The following DYNLRB1 variants were observed in gnomAD, a reference collection of about 807,000 sequenced individuals.
The protein encoded by DYNLRB1 is dynein light chain roadblock-type 1, also known as ROBL/LC7-like 1.
Under a neutral mutation model 13.5 loss-of-function variants are expected in DYNLRB1, and 6 were observed. That is an observed-to-expected ratio of 0.44 (90% confidence interval 0.24 to 0.88). The LOEUF (loss-of-function observed/expected upper bound fraction) is 0.88, where lower values mean the gene tolerates loss of function less well. Ranked by LOEUF, DYNLRB1 falls within the 40% of genes least tolerant of loss-of-function variation. The pLI, the probability that DYNLRB1 is intolerant of heterozygous loss-of-function variation, is 0.21. For synonymous variants in DYNLRB1, 43 were observed against 45.0 expected (o/e 0.96, Z 0.18); for missense variants, 93 against 127.2 (o/e 0.73, Z 1.29).
chr20:34,535,386 C>A, intron 3 of DYNLRB1: 1 of 982,198 alleles, frequency 1.0e-6, no homozygotes, highest in Non-Finnish European at 1.2e-6. Flanking sequence ...TTCCTTTACG[C>A]GAGGTGCTTG....
intron 3 of DYNLRB1, chr20:34,535,289 T>C: frequency 1.0e-6 from 1 of 985,474 alleles, no homozygotes; most frequent in Non-Finnish European, 1.2e-6. Flanking sequence ...CTTGAAAACA[T>C]GTTCTCTGCC....
chr20:34,536,302 G>T lies in DYNLRB1; in HGVS notation c.247+1507G>T, dbSNP rs562753470. The T allele has an allele frequency of 4.1e-6, 4 of 985,402 alleles. No homozygotes were observed. In the South Asian group the frequency reaches 1.9e-4, roughly 46 times the overall value. The allele number at this position is 985,402 out of a possible 1,614,324, so 61.0% of individuals were successfully genotyped here. ...CCACATCTGTAAAGTGTCGAGTAGG[G>T]GACTGTGCTGTGCTGATGTCCTGAG... On this transcript the variant is annotated intron_variant, in intron 3 of 3. Coordinates refer to ENST00000357156, the MANE Select transcript of DYNLRB1 (RefSeq NM_014183.4).
intron 2 of DYNLRB1, among the ~76,000 whole-genome samples, chr20:34,528,884 G>A (rs573454835): frequency 6.6e-6 from 1 of 152,192 alleles, no homozygotes; most frequent in Non-Finnish European, 1.5e-5. Flanking sequence ...TAAGACAGGA[G>A]GATTCCTTGA....
rs540725799 is a variant in DYNLRB1 at position 34,518,828 on chromosome 20, C to T, written c.3+2367C>T. ...TTACTTAAACTGTAGCTTTCTAGAACCTGTATTATGCTACTCCGTGGTTAT... is the reference window on the plus strand; with the variant it reads ...TTACTTAAACTGTAGCTTTCTAGAATCTGTATTATGCTACTCCGTGGTTAT... On this transcript the variant is annotated intron_variant, in intron 1 of 3. Transcript: ENST00000357156. Among the ~76,000 whole-genome samples, 5 of 152,208 alleles carry T rather than the reference C, an allele frequency of 3.3e-5. No homozygotes were observed. The South Asian group carries it at 1.0e-3, about 32-fold the overall frequency.
intron 1 of DYNLRB1, among the ~76,000 whole-genome samples, chr20:34,521,370 G>T (rs905893151): frequency 6.6e-6 from 1 of 151,960 alleles, no homozygotes; most frequent in African/African-American, 2.4e-5. Flanking sequence ...GTAATTTCTC[G>T]TAGGCATATT....
intron 1 of DYNLRB1, 23 bp downstream of exon 1, chr20:34,516,484 T>C (rs752843633): frequency 1.2e-6 from 2 of 1,612,458 alleles, no homozygotes; most frequent in South Asian, 1.1e-5. Context: ...CGGGGTCTTG[T>C]GGCTGGCGGC....
At chr20:34,536,465 G>A (rs942019730) in intron 3 of DYNLRB1, 1 of 985,318 alleles carries the variant, frequency 1.0e-6, no homozygotes, top group Non-Finnish European at 1.2e-6. Flanking sequence ...GTCGGGCCGG[G>A]ATGGAGCGCA....
chr20:34,517,292 A>G (rs1038126250), intron 1 of DYNLRB1, among the ~76,000 whole-genome samples: 19 of 152,200 alleles, frequency 1.2e-4, no homozygotes, highest in African/African-American at 4.6e-4. Flanking sequence ...CCTAGAGGCA[A>G]CCACTTACAG....
intron 1 of DYNLRB1, 131 bp from the exon 2 acceptor site, chr20:34,526,137 G>C: frequency 1.1e-6 from 1 of 946,798 alleles, no homozygotes; most frequent in East Asian, 2.6e-5. Context: ...GGGGAACTTT[G>C]AGGGTGTGCC....
intron 1 of DYNLRB1, among the ~76,000 whole-genome samples, chr20:34,524,716 T>C (rs1373980181): frequency 6.6e-6 from 1 of 151,998 alleles, no homozygotes; most frequent in Non-Finnish European, 1.5e-5. Context: ...TAAGTCCATT[T>C]TCCACTTTTT....
At chr20:34,520,213 G>A (rs1277806866) in intron 1 of DYNLRB1, among the ~76,000 whole-genome samples, 4 of 152,098 alleles carry the variant, frequency 2.6e-5, no homozygotes. Context: ...TTTCATCTTT[G>A]TATGTTCTCC....
chr20:34,527,990 AG>A (rs1164229280), intron 2 of DYNLRB1, among the ~76,000 whole-genome samples: 1 of 152,198 alleles, frequency 6.6e-6, no homozygotes, highest in African/African-American at 2.4e-5. Flanking sequence ...TAATTTGGAA[AG>A]GGGTTTGGCC....
intron 3 of DYNLRB1, chr20:34,535,828 G>T: frequency 1.0e-6 from 1 of 985,262 alleles, no homozygotes; most frequent in Non-Finnish European, 1.2e-6. Flanking sequence ...GGTTTTTAGG[G>T]CAGGAGGTGA....
At chr20:34,524,862 T>G (rs1373122878) in intron 1 of DYNLRB1, among the ~76,000 whole-genome samples, 1 of 151,932 alleles carries the variant, frequency 6.6e-6, no homozygotes, top group Non-Finnish European at 1.5e-5. Context: ...TAGCTGGGAC[T>G]ACAGGCGCCC....
At chr20:34,526,824 C>A (rs1210788297) in intron 2 of DYNLRB1, among the ~76,000 whole-genome samples, 1 of 152,274 alleles carries the variant, frequency 6.6e-6, no homozygotes, top group East Asian at 1.9e-4. Flanking sequence ...TTCATTAGCC[C>A]AATTTTGTTG....
chr20:34,516,601 C>T, intron 1 of DYNLRB1, 140 bp downstream of exon 1: 4 of 1,518,924 alleles, frequency 2.6e-6, no homozygotes, highest in Non-Finnish European at 3.5e-6. Flanking sequence ...CGGGCCCCAG[C>T]CGACTTGAGG....
In DYNLRB1 at chr20:34,516,475, G is replaced by T. The variant is rs773800477; in HGVS notation, c.3+14G>T. The T allele has an allele frequency of 4.3e-6, 7 of 1,612,460 alleles. No homozygotes were observed. The highest frequency in any genetic ancestry group is 1.3e-5 in the African/African-American group (1 of 74,866). ...CGGTCGGAAATGGTGAGCGTGCGCC[G>T]GGGTCTTGTGGCTGGCGGCCGCCCA... On this transcript the variant is annotated intron_variant, in intron 1 of 3. Transcript: ENST00000357156.
upstream of DYNLRB1, among the ~76,000 whole-genome samples, chr20:34,516,210 T>G (rs1312498961): frequency 6.6e-6 from 1 of 152,262 alleles, no homozygotes; most frequent in African/African-American, 2.4e-5. Flanking sequence ...CAGCATCTTT[T>G]CTGCACGGCT....
rs1007689007 is a variant in DYNLRB1, at chr20:34,529,970, C to T, written c.79+3627C>T. 5.9e-6 allele frequency: 8 copies of T among 1,362,668 alleles called. No homozygotes were observed. In the East Asian group the frequency reaches 2.0e-4, roughly 35 times the overall value. The allele number at this position is 1,362,668 out of a possible 1,614,324, so 84.4% of individuals were successfully genotyped here. A position where few individuals can be genotyped will look rare whatever the true frequency, so the allele number is the denominator to read the frequency against. On this transcript the variant is annotated intron_variant, in intron 2 of 3. Coordinates refer to ENST00000357156, the MANE Select transcript of DYNLRB1 (RefSeq NM_014183.4). The stretch of plus-strand genomic sequence containing the variant: ...TCCCCGCTTCAGCCCTCAACTGCCT[C>T]GAGTCCTGTGATGGTCCAGGGAATC...
Sources: gnomAD v4.1 joint callset for allele counts (sites outside exome capture counted in the v4.1 genomes callset) on GRCh38, gnomAD v4.1.1 for gene constraint, MANE v1.5 for transcripts, NCBI Gene and HGNC (gene_info 2026-07-23, HGNC 2026-07-21) for gene names.